Variants in SEMA5A observed in about 807,000 individuals in gnomAD.
SEMA5A encodes the protein semaphorin 5A.
SEMA5A carries 55 observed loss-of-function variants against 135.5 expected under a neutral mutation model. The ratio of observed to expected loss-of-function variants is 0.41; its 90% CI spans 0.33 to 0.51. The LOEUF (loss-of-function observed/expected upper bound fraction) is 0.51, where lower values mean the gene tolerates loss of function less well. SEMA5A is among the 20% of genes least tolerant of loss of function. The pLI is 0.37. For missense variants in SEMA5A, 1,290 were observed against 1,419.9 expected (o/e 0.91, Z 1.47); for synonymous variants, 580 against 546.5 (o/e 1.06, Z -0.85).
chr5:9,376,441 G>A (rs1755366210), intron 3 of SEMA5A, among the ~76,000 whole-genome samples: 1 of 152,160 alleles, frequency 6.6e-6, no homozygotes, highest in South Asian at 2.1e-4. Flanking sequence ...TTCTGGCATG[G>A]CTTCATCCTA....
At chr5:9,497,329 C>A (rs1319133421) in intron 1 of SEMA5A, among the ~76,000 whole-genome samples, 1 of 152,126 alleles carries the variant, frequency 6.6e-6, no homozygotes, top group Admixed American at 6.5e-5. Flanking sequence ...TTTAAAAAAG[C>A]CCTGACATTT....
At chr5:9,311,939 C>A (rs1480367511) in intron 5 of SEMA5A, among the ~76,000 whole-genome samples, 2 of 152,056 alleles carry the variant, frequency 1.3e-5, no homozygotes, top group African/African-American at 2.4e-5. Context: ...GAGTGAGAAA[C>A]AAGCAGTGAA....
At chr5:9,327,208 T>G (rs2150692109) in intron 4 of SEMA5A, among the ~76,000 whole-genome samples, 1 of 152,312 alleles carries the variant, frequency 6.6e-6, no homozygotes, top group South Asian at 2.1e-4. Flanking sequence ...CTAAAATATT[T>G]TAAAATATGG....
At chr5:9,361,980 T>C (rs1473916953) in intron 3 of SEMA5A, among the ~76,000 whole-genome samples, 1 of 152,186 alleles carries the variant, frequency 6.6e-6, no homozygotes, top group Non-Finnish European at 1.5e-5. Flanking sequence ...AGGCCCCTGC[T>C]GGCAAGGAAG....
intron 5 of SEMA5A, among the ~76,000 whole-genome samples, chr5:9,238,853 A>G (rs1230261974): frequency 1.3e-5 from 2 of 152,152 alleles, no homozygotes; most frequent in African/African-American, 2.4e-5. Context: ...CGGTAATTCA[A>G]TCATTAACAG....
Position 9,237,859 on chromosome 5 carries a change from T to A in SEMA5A, c.302A>T (p.Lys101Ile). 1.9e-6 allele frequency: 3 copies of A among 1,613,688 alleles called. No individual in the cohort carries two copies. ...TTTGCCTTTGCTGTAACAGGCCTTT[T>A]TGGTAGCTTCATCACACTCCCATTC... ...AVEWECDEAT[K>I]KACYSKGKSK... is the part of the protein sequence containing the mutation. Residue 101 changes from lysine to isoleucine, a missense_variant, in exon 6 of 23, where the codon AAA becomes ATA. Lys to Ile is a moderately radical substitution (Grantham distance 102). Coordinates refer to ENST00000382496, the MANE Select transcript of SEMA5A (RefSeq NM_003966.3).
chr5:9,541,209 G>A (rs905348585), intron 1 of SEMA5A, among the ~76,000 whole-genome samples: 2 of 152,140 alleles, frequency 1.3e-5, no homozygotes, highest in African/African-American at 4.8e-5. Context: ...TTCACCCACA[G>A]AGTTGGCTTC....
chr5:9,424,739 A>T (rs1171305531), intron 2 of SEMA5A, among the ~76,000 whole-genome samples: 1 of 152,026 alleles, frequency 6.6e-6, no homozygotes, highest in East Asian at 1.9e-4. Context: ...ATTCATTCTT[A>T]ATTTATCTTC....
chr5:9,256,566 G>C (rs1375979873), intron 5 of SEMA5A, among the ~76,000 whole-genome samples: 1 of 152,168 alleles, frequency 6.6e-6, no homozygotes, highest in Non-Finnish European at 1.5e-5. Flanking sequence ...TCACATCACT[G>C]CATTTGAATT....
intron 2 of SEMA5A, among the ~76,000 whole-genome samples, chr5:9,436,626 G>A (rs569705494): frequency 1.0e-3 from 156 of 152,172 alleles, no homozygotes; most frequent in Non-Finnish European, 1.8e-3. Flanking sequence ...AAAGTGTTTT[G>A]TGAATGGGGA....
At chr5:9,283,555 T>C (rs1750647298) in intron 5 of SEMA5A, among the ~76,000 whole-genome samples, 1 of 152,218 alleles carries the variant, frequency 6.6e-6, no homozygotes, top group Admixed American at 6.5e-5. Flanking sequence ...GGGTTCTTAA[T>C]TCCATCTGTA....
chr5:9,326,137 T>A (rs1752861773), intron 4 of SEMA5A, among the ~76,000 whole-genome samples: 1 of 152,216 alleles, frequency 6.6e-6, no homozygotes, highest in Non-Finnish European at 1.5e-5. Context: ...CTTTCCTCAC[T>A]GCAAGTTTCC....
intron 16 of SEMA5A, among the ~76,000 whole-genome samples, chr5:9,088,265 C>T (rs529263682): frequency 6.8e-5 from 10 of 146,494 alleles, no homozygotes; most frequent in Admixed American, 7.0e-5. Flanking sequence ...GATCATACCA[C>T]TGCACTCCAG....
At chr5:9,288,467 C>T (rs541057819) in intron 5 of SEMA5A, among the ~76,000 whole-genome samples, 7 of 152,240 alleles carry the variant, frequency 4.6e-5, no homozygotes, top group East Asian at 1.9e-4. Context: ...TCCAGCTGGC[C>T]GCGAGAGGGC....
chr5:9,230,246 T>C (rs1278834548), intron 6 of SEMA5A, among the ~76,000 whole-genome samples: 1 of 147,002 alleles, frequency 6.8e-6, no homozygotes, highest in African/African-American at 2.5e-5. Flanking sequence ...GGGATCCTCC[T>C]GCCTTGTCCT....
intron 5 of SEMA5A, among the ~76,000 whole-genome samples, chr5:9,249,716 C>T (rs560922892): frequency 2.6e-5 from 4 of 152,078 alleles, no homozygotes; most frequent in African/African-American, 7.2e-5. Flanking sequence ...AACACTCAAC[C>T]CAGATGTAGG....
intron 11 of SEMA5A, among the ~76,000 whole-genome samples, chr5:9,172,699 T>C (rs1361929682): frequency 2.0e-5 from 3 of 152,184 alleles, no homozygotes; most frequent in African/African-American, 7.2e-5. Context: ...CTTTAAAGGA[T>C]TTTTTACTAA....
rs1409524449 is a variant in SEMA5A, at chr5:9,050,525, A to G, written c.2846-68T>C. The G allele has an allele frequency of 2.3e-6, 3 of 1,290,282 alleles. No homozygotes were observed. The Admixed American group carries it at 6.6e-5, about 28-fold the overall frequency. The allele number at this position is 1,290,282 out of a possible 1,614,324, so 79.9% of individuals were successfully genotyped here. A position where few individuals can be genotyped will look rare whatever the true frequency, so the allele number is the denominator to read the frequency against. On this transcript the variant is annotated intron_variant, in intron 20 of 22. Coordinates refer to ENST00000382496, the MANE Select transcript of SEMA5A (RefSeq NM_003966.3). ...AGAAGACAGTCCACATTCATGCTTC[A>G]TGTATGTTTGTCTAATGATTCTGAA...
chr5:9,329,548 A>C (rs1753025177), intron 4 of SEMA5A, among the ~76,000 whole-genome samples: 1 of 152,248 alleles, frequency 6.6e-6, no homozygotes, highest in African/African-American at 2.4e-5. Context: ...TAAATATTTG[A>C]GTAACACAGA....
Sources: gnomAD v4.1 joint callset for allele counts (sites outside exome capture counted in the v4.1 genomes callset) on GRCh38, gnomAD v4.1.1 for gene constraint, MANE v1.5 for transcripts, NCBI Gene and HGNC (gene_info 2026-07-23, HGNC 2026-07-21) for gene names.